Variants in XDH observed in about 807,000 individuals in gnomAD.
XDH encodes the protein xanthine dehydrogenase/oxidase.
Under a neutral mutation model 156.1 loss-of-function variants are expected in XDH, and 138 were observed. The ratio of observed to expected loss-of-function variants is 0.88; its 90% CI spans 0.77 to 1.02. The LOEUF (loss-of-function observed/expected upper bound fraction) is 1.02. XDH is among the 50% of genes least tolerant of loss of function. The pLI, the probability that XDH is intolerant of heterozygous loss-of-function variation, is 0.00. For missense variants in XDH, 1,849 were observed against 1,684.9 expected (o/e 1.10, Z -1.71); for synonymous variants, 669 against 625.7 (o/e 1.07, Z -1.03).
chr2:31,367,357 C>T (rs1179533101), intron 20 of XDH, among the ~76,000 whole-genome samples: 4 of 152,232 alleles, frequency 2.6e-5, no homozygotes, highest in African/African-American at 4.8e-5. Context: ...TGAAAACCAG[C>T]GCATGTTCCC....
At chr2:31,348,221 C>T (rs933211220) in intron 28 of XDH, 47 bp downstream of exon 28, 2 of 1,591,956 alleles carry the variant, frequency 1.3e-6, no homozygotes, top group Admixed American at 3.4e-5. Flanking sequence ...TTTCTTATAC[C>T]ACTTCCTCTA....
At position 31,368,003 on chromosome 2, in the gene XDH, C is replaced by T. The variant is rs1195481033; in HGVS notation, c.2155G>A (p.Asp719Asn). The T allele has an allele frequency of 2.5e-6, 4 of 1,614,044 alleles. No individual in the cohort carries two copies. The highest frequency in any genetic ancestry group is 1.7e-5 in the Admixed American group (1 of 60,002). ...YGPELKIEKG[D>N]LKKGFSEADN... ...GCTTCGGAAAACCCCTTCTTTAGGT[C>T]CCCTTTCTCGATCTTCAGCTCAGGT... Residue 719 changes from aspartate (D) to asparagine (N), a missense_variant, in exon 20 of 36, where the codon GAC becomes AAC. Coordinates refer to ENST00000379416, the MANE Select transcript of XDH (RefSeq NM_000379.4).
chr2:31,414,162 C>G (rs1226875369), intron 1 of XDH, among the ~76,000 whole-genome samples: 1 of 152,074 alleles, frequency 6.6e-6, no homozygotes, highest in Non-Finnish European at 1.5e-5. Flanking sequence ...ATATTAGAAT[C>G]AAAGGCTGCG....
At position 31,368,037 on chromosome 2, in the gene XDH, G is replaced by A. The variant is rs917446117; in HGVS notation, c.2121C>T (p.Ser707=). The A allele has an allele frequency of 1.2e-6, 2 of 1,613,988 alleles. No homozygotes were observed. Among genetic ancestry groups the A allele is most frequent in the African/African-American group, 1.3e-5 (1 of 74,906 alleles). Residue 707 remains serine (S), a synonymous_variant, in exon 20 of 36, where the codon TCC becomes TCT. Coordinates refer to ENST00000379416, the MANE Select transcript of XDH (RefSeq NM_000379.4). ...CGATCTTCAGCTCAGGTCCATAAAA[G>A]GAGTTGTTCTTTATAGCATCCTGAG... ...ITIEDAIKNN[S]FYGPELKIEK...
chr2:31,343,537 G>T (rs558151653), intron 31 of XDH, among the ~76,000 whole-genome samples: 1 of 141,054 alleles, frequency 7.1e-6, no homozygotes, highest in African/African-American at 2.7e-5. Flanking sequence ...ATATGTATAA[G>T]GCATATATAT....
chr2:31,358,522 T>C (rs1056889543), intron 24 of XDH, among the ~76,000 whole-genome samples: 2 of 152,154 alleles, frequency 1.3e-5, no homozygotes, highest in Non-Finnish European at 2.9e-5. Context: ...TAACAAATTT[T>C]AGCAAATAAA....
At chr2:31,339,849 C>T (rs949650041) in intron 33 of XDH, among the ~76,000 whole-genome samples, 172 bp from the exon 34 acceptor site, 2 of 152,226 alleles carry the variant, frequency 1.3e-5, no homozygotes, top group African/African-American at 4.8e-5. Context: ...CCCATCCGGA[C>T]TTCTGCCAGG....
At chr2:31,391,361 T>A (rs1686757354) in intron 6 of XDH, among the ~76,000 whole-genome samples, 1 of 152,204 alleles carries the variant, frequency 6.6e-6, no homozygotes, top group South Asian at 2.1e-4. Flanking sequence ...CTTTTTGTAG[T>A]ATGGACAGTG....
rs960298043 is a variant in XDH, at chr2:31,387,910, A to C, written c.565-13T>G. ...GCGAGAGGCTGACCTATGGGGAAAG[A>C]GAACAGGTAGGTGATGCAGTATCTC... On this transcript the variant is annotated splice_polypyrimidine_tract_variant and intron_variant, in intron 7 of 35. Coordinates refer to ENST00000379416, the MANE Select transcript of XDH (RefSeq NM_000379.4). 3.8e-6 allele frequency: 6 copies of C among 1,568,844 alleles called. No homozygotes were observed. In the African/African-American group the frequency reaches 5.4e-5, roughly 14 times the overall value.
intron 1 of XDH, among the ~76,000 whole-genome samples, chr2:31,411,273 C>A (rs206809): frequency 6.7e-6 from 1 of 148,870 alleles, no homozygotes; most frequent in Non-Finnish European, 1.5e-5. Flanking sequence ...ACAGTGAAAC[C>A]CTGTCTCAGG....
In XDH at chr2:31,383,844, A is replaced by C. The variant is rs748094956; in HGVS notation, c.797T>G (p.Ile266Ser). ...CAGCATATTCTTGAACTTCATCTCA[A>C]TGCCTAGAGAGAAACAAGAAGCTGA... ...KLVVGNTEIG[I>S]EMKFKNMLFP... Residue 266 changes from isoleucine (I) to serine (S), a missense_variant, in exon 10 of 36, where the codon ATT becomes AGT. Physicochemically the swap from Ile to Ser is moderately radical, Grantham distance 142 (BLOSUM62 -2). Transcript: ENST00000379416. The C allele has an allele frequency of 1.3e-5, 21 of 1,613,770 alleles. No homozygotes were observed. The highest frequency in any genetic ancestry group is 1.8e-5 in the Non-Finnish European group (21 of 1,179,892).
chr2:31,386,323 G>A, intron 9 of XDH, 91 bp downstream of exon 9: 1 of 1,565,732 alleles, frequency 6.4e-7, no homozygotes, highest in Non-Finnish European at 8.7e-7. Context: ...GCAGAGGCAA[G>A]TAAAGTCAGG....
At chr2:31,337,586 G>T in intron 35 of XDH, 55 bp downstream of exon 35, 1 of 1,611,854 alleles carries the variant, frequency 6.2e-7, no homozygotes, top group Non-Finnish European at 8.5e-7. Context: ...CCTGCAGTTT[G>T]CCAGCCTATC....
chr2:31,347,093 G>A (rs140105498), intron 29 of XDH, among the ~76,000 whole-genome samples: 8 of 152,302 alleles, frequency 5.3e-5, no homozygotes, highest in East Asian at 1.9e-4. Flanking sequence ...GACAGAGGGC[G>A]AAATGTTTGA....
chr2:31,341,930 A>T (rs1448928882), intron 32 of XDH, among the ~76,000 whole-genome samples: 1 of 152,226 alleles, frequency 6.6e-6, no homozygotes, highest in African/African-American at 2.4e-5. Flanking sequence ...ACAGAGTCAC[A>T]CTTATCTGTT....
chr2:31,406,881 G>A (rs1431364687), intron 1 of XDH, among the ~76,000 whole-genome samples: 1 of 152,200 alleles, frequency 6.6e-6, no homozygotes, highest in Non-Finnish European at 1.5e-5. Flanking sequence ...ACTAATACAT[G>A]TCAGAAATGA....
intron 18 of XDH, 53 bp from the exon 19 acceptor site, chr2:31,368,713 A>C: frequency 6.2e-7 from 1 of 1,614,118 alleles, no homozygotes; most frequent in African/African-American, 1.3e-5. Context: ...TGGTGAAACA[A>C]ATTATTTTTG....
chr2:31,364,339 G>A, intron 23 of XDH, 95 bp from the exon 24 acceptor site: 1 of 1,257,364 alleles, frequency 8.0e-7, no homozygotes, highest in Non-Finnish European at 1.2e-6. Context: ...ATGTCACCTG[G>A]AGGAAATAAA....
chr2:31,375,513 A>C lies in XDH; in HGVS notation c.1469T>G (p.Leu490Arg), dbSNP rs1686221929. ...EELLQDVCAGLAEELHLPPDA... is the reference protein window; with the variant it reads ...EELLQDVCAGRAEELHLPPDA... ...GGGAGGCAGATGCAGCTCCTCTGCC[A>C]GTCCTGCACACACGTCCTGCAGCAG... The change falls in exon 15 of 36, where the codon CTG (leucine) becomes CGG (arginine). Residue 490 changes from leucine (L) to arginine (R), a missense_variant. Coordinates refer to ENST00000379416, the MANE Select transcript of XDH (RefSeq NM_000379.4). 1 of 1,614,028 alleles carries C rather than the reference A, an allele frequency of 6.2e-7. No individual in the cohort carries two copies. The highest frequency in any genetic ancestry group is 8.5e-7 in the Non-Finnish European group (1 of 1,180,030).
Sources: gnomAD v4.1 joint callset for allele counts (sites outside exome capture counted in the v4.1 genomes callset) on GRCh38, gnomAD v4.1.1 for gene constraint, MANE v1.5 for transcripts, NCBI Gene and HGNC (gene_info 2026-07-23, HGNC 2026-07-21) for gene names.